Variants in CDH18 observed in about 807,000 individuals in gnomAD.
The protein encoded by CDH18 is cadherin 18.
Under a neutral mutation model 67.9 loss-of-function variants are expected in CDH18, and 31 were observed. The observed-to-expected ratio is 0.46, with a 90% CI of 0.34 to 0.62. The LOEUF (loss-of-function observed/expected upper bound fraction) is 0.62, where lower values mean the gene tolerates loss of function less well. Ranked by LOEUF, CDH18 falls within the 20% of genes least tolerant of loss-of-function variation. CDH18 has a pLI of 0.01. For synonymous variants in CDH18, 362 were observed against 347.2 expected, an observed-to-expected ratio of 1.04 and a Z score of -0.48; for missense variants, 890 against 975.5, an observed-to-expected ratio of 0.91 and a Z score of 1.17.
intron 1 of CDH18, among the ~76,000 whole-genome samples, chr5:20,315,772 G>T (rs77245176): frequency 1.3e-5 from 2 of 152,080 alleles, no homozygotes; most frequent in Non-Finnish European, 2.9e-5. Flanking sequence ...TTGATAACCA[G>T]TAACTCTAGA....
intron 1 of CDH18, among the ~76,000 whole-genome samples, chr5:20,387,894 G>T (rs529982226): frequency 6.6e-6 from 1 of 152,292 alleles, no homozygotes; most frequent in Admixed American, 6.5e-5. Flanking sequence ...TGTTGAACCA[G>T]CCTTGCATCC....
intron 3 of CDH18, among the ~76,000 whole-genome samples, chr5:19,759,193 C>T (rs1772015381): frequency 6.6e-6 from 1 of 152,204 alleles, no homozygotes; most frequent in Non-Finnish European, 1.5e-5. Flanking sequence ...CTTGGTTAAG[C>T]TTATAATAAT....
chr5:19,736,151 C>A (rs1365882351), intron 4 of CDH18, among the ~76,000 whole-genome samples: 2 of 152,100 alleles, frequency 1.3e-5, no homozygotes, highest in Non-Finnish European at 2.9e-5. Flanking sequence ...AATTCAAAAT[C>A]CACTAATAAA....
At chr5:20,017,956 A>T (rs1738026145) in intron 2 of CDH18, among the ~76,000 whole-genome samples, 1 of 152,200 alleles carries the variant, frequency 6.6e-6, no homozygotes, top group Admixed American at 6.5e-5. Flanking sequence ...AAATATTGAC[A>T]TAAGGATTCA....
intron 2 of CDH18, among the ~76,000 whole-genome samples, chr5:20,108,433 T>TCC (rs1747172127): frequency 1.3e-5 from 2 of 152,206 alleles, no homozygotes; most frequent in South Asian, 4.2e-4. Context: ...CAGTCTTATT[T>TCC]CGAGGAACTA....
chr5:20,513,365 A>T (rs1200758006), intron 1 of CDH18, among the ~76,000 whole-genome samples: 1 of 152,176 alleles, frequency 6.6e-6, no homozygotes, highest in Non-Finnish European at 1.5e-5. Flanking sequence ...CATTACAAGG[A>T]AATTTTTAAT....
At chr5:20,434,647 T>A (rs192218612) in intron 1 of CDH18, among the ~76,000 whole-genome samples, 134 of 152,166 alleles carry the variant, frequency 8.8e-4, no homozygotes, top group African/African-American at 3.1e-3. Flanking sequence ...ATATTTTATA[T>A]TCTATTTCTT....
chr5:20,003,198 T>A (rs1044090457), intron 2 of CDH18, among the ~76,000 whole-genome samples: 2 of 152,032 alleles, frequency 1.3e-5, no homozygotes, highest in African/African-American at 4.8e-5. Context: ...TTGGCCCAGT[T>A]TAGAAAGTTA....
intron 2 of CDH18, among the ~76,000 whole-genome samples, chr5:20,185,664 T>C (rs561292487): frequency 1.4e-4 from 22 of 152,202 alleles, no homozygotes; most frequent in African/African-American, 4.3e-4. Flanking sequence ...TTAAGGTCTC[T>C]GCTTAAATAT....
intron 1 of CDH18, among the ~76,000 whole-genome samples, chr5:20,259,903 A>T (rs1744517788): frequency 6.6e-6 from 1 of 152,012 alleles, no homozygotes; most frequent in Middle Eastern, 3.2e-3. Flanking sequence ...GATGATTTTT[A>T]AAATAATTGG....
intron 2 of CDH18, among the ~76,000 whole-genome samples, chr5:20,095,508 AG>A (rs1561786498): frequency 1.6e-5 from 2 of 126,978 alleles, no homozygotes; most frequent in Admixed American, 7.9e-5. Flanking sequence ...GGAGGGAGGG[AG>A]GATGGAAGGA....
At chr5:20,152,966 G>A (rs1397687109) in intron 2 of CDH18, among the ~76,000 whole-genome samples, 9 of 128,184 alleles carry the variant, frequency 7.0e-5, no homozygotes, top group African/African-American at 9.1e-5. Flanking sequence ...TTTTTGAGAC[G>A]GAGTCTTTTT....
intron 4 of CDH18, among the ~76,000 whole-genome samples, chr5:19,723,806 C>T (rs573365302): frequency 1.2e-4 from 19 of 152,122 alleles, no homozygotes; most frequent in African/African-American, 2.9e-4. Flanking sequence ...CTCCACCTCC[C>T]GAGTTCAGGC....
At chr5:20,255,465 G>A (rs752338933) in exon 2 of CDH18, 6 of 152,082 alleles carry the variant, frequency 3.9e-5, no homozygotes, top group Non-Finnish European at 7.4e-5. Context: ...CTTCAGGAAT[G>A]TTTGGTGTGT....
chr5:20,432,946 A>T (rs1448904208), intron 1 of CDH18, among the ~76,000 whole-genome samples: 2 of 148,810 alleles, frequency 1.3e-5, no homozygotes, highest in African/African-American at 4.9e-5. Context: ...TATTTTATAC[A>T]TATATAATGT....
intron 1 of CDH18, among the ~76,000 whole-genome samples, chr5:20,271,178 A>T (rs1291392447): frequency 6.6e-6 from 1 of 152,068 alleles, no homozygotes; most frequent in Non-Finnish European, 1.5e-5. Context: ...AATAGAAAAT[A>T]AAAAGGAGGA....
intron 1 of CDH18, among the ~76,000 whole-genome samples, chr5:20,288,998 G>T (rs1746902176): frequency 6.6e-6 from 1 of 151,304 alleles, no homozygotes; most frequent in Non-Finnish European, 1.5e-5. Context: ...AATGTAGTAA[G>T]AATTCTTTGG....
intron 2 of CDH18, among the ~76,000 whole-genome samples, chr5:20,175,277 C>G (rs1279900716): frequency 1.3e-5 from 2 of 152,014 alleles, no homozygotes; most frequent in Non-Finnish European, 2.9e-5. Flanking sequence ...AGATCAGGTG[C>G]TAAAAACCCC....
At chr5:19,720,827 T>C (rs1444787220) in intron 5 of CDH18, among the ~76,000 whole-genome samples, 3 of 152,144 alleles carry the variant, frequency 2.0e-5, no homozygotes, top group African/African-American at 7.2e-5. Context: ...GCTGAATAAT[T>C]TACTCATTAG....
Sources: gnomAD v4.1 joint callset for allele counts (sites outside exome capture counted in the v4.1 genomes callset) on GRCh38, gnomAD v4.1.1 for gene constraint, MANE v1.5 for transcripts, NCBI Gene and HGNC (gene_info 2026-07-23, HGNC 2026-07-21) for gene names.